Variants in TOX2 observed in about 807,000 individuals in gnomAD.
TOX2 encodes the protein TOX high mobility group box family member 2, also known as granulosa cell HMG box 1.
TOX2 carries 15 observed loss-of-function variants against 47.4 expected under a neutral mutation model. The observed-to-expected ratio is 0.32, with a 90% CI of 0.21 to 0.49. The LOEUF is 0.49. Among genes scored for constraint, TOX2 ranks in the 20% least tolerant of loss-of-function variants. The pLI is 0.99. For synonymous variants in TOX2, 290 were observed against 296.6 expected (o/e 0.98, Z 0.23); for missense variants, 622 against 673.1 (o/e 0.92, Z 0.84).
At chr20:44,016,709 C>T (rs1340549401) in intron 3 of TOX2, among the ~76,000 whole-genome samples, 1 of 152,176 alleles carries the variant, frequency 6.6e-6, no homozygotes, top group African/African-American at 2.4e-5. Context: ...GTTCGCTCTG[C>T]TGAGAAGGCT....
At chr20:44,041,010 G>C (rs2071323430) in intron 3 of TOX2, among the ~76,000 whole-genome samples, 1 of 152,170 alleles carries the variant, frequency 6.6e-6, no homozygotes, top group African/African-American at 2.4e-5. Flanking sequence ...CCTGAGATGG[G>C]GTTCTTGTGA....
intron 2 of TOX2, among the ~76,000 whole-genome samples, chr20:43,986,501 C>G (rs1190275024): frequency 6.6e-6 from 1 of 152,012 alleles, no homozygotes; most frequent in Non-Finnish European, 1.5e-5. Context: ...AGGCTGGTCT[C>G]GAACTCCTGA....
intron 1 of TOX2, among the ~76,000 whole-genome samples, chr20:43,918,000 C>G (rs2069076428): frequency 1.3e-5 from 2 of 152,152 alleles, no homozygotes; most frequent in Non-Finnish European, 2.9e-5. Flanking sequence ...GTGTAACTCA[C>G]AGATTACACA....
At chr20:44,036,502 A>G (rs2071243487) in intron 3 of TOX2, among the ~76,000 whole-genome samples, 1 of 152,248 alleles carries the variant, frequency 6.6e-6, no homozygotes, top group Non-Finnish European at 1.5e-5. Flanking sequence ...TGCCTGAGTA[A>G]GAAGTAACTG....
chr20:43,965,246 G>T (rs567666845), intron 1 of TOX2, among the ~76,000 whole-genome samples: 1 of 152,296 alleles, frequency 6.6e-6, no homozygotes, highest in South Asian at 2.1e-4. Context: ...ACTTTCAGAG[G>T]TGGGGCTGTA....
intron 5 of TOX2, among the ~76,000 whole-genome samples, chr20:44,062,599 C>T (rs927127301): frequency 5.3e-5 from 8 of 151,934 alleles, no homozygotes; most frequent in Non-Finnish European, 1.2e-4. Context: ...AAATGCAATT[C>T]CCATCAAAAC....
intron 3 of TOX2, among the ~76,000 whole-genome samples, chr20:44,044,131 CA>C (rs375912475): frequency 0.66 from 99,209 of 151,366 alleles, 33,022 homozygotes; most frequent in East Asian, 0.79. Context: ...TTTGTAGGGA[CA>C]TGGATGAAGC....
At chr20:43,971,655 T>C (rs973906290) in intron 1 of TOX2, among the ~76,000 whole-genome samples, 2 of 152,216 alleles carry the variant, frequency 1.3e-5, no homozygotes, top group Admixed American at 6.5e-5. Flanking sequence ...AAAATATTTA[T>C]GGGAGCAATA....
chr20:44,048,928 G>C (rs1388301019), intron 3 of TOX2, among the ~76,000 whole-genome samples: 1 of 152,228 alleles, frequency 6.6e-6, no homozygotes, highest in Admixed American at 6.5e-5. Context: ...CTTGAGGTCA[G>C]GAGTTTGAGA....
chr20:43,963,518 A>C (rs1358609765), intron 1 of TOX2, among the ~76,000 whole-genome samples: 2 of 152,188 alleles, frequency 1.3e-5, no homozygotes, highest in Non-Finnish European at 2.9e-5. Context: ...ATGTACTCTT[A>C]GGAGTCAGCA....
chr20:43,978,945 T>C (rs1471262391), intron 2 of TOX2, among the ~76,000 whole-genome samples: 2 of 151,996 alleles, frequency 1.3e-5, no homozygotes, highest in East Asian at 1.9e-4. Flanking sequence ...GCAGAGGGGA[T>C]GGAAAGAAGT....
At chr20:43,940,377 A>T (rs2145346511) in intron 1 of TOX2, among the ~76,000 whole-genome samples, 1 of 151,134 alleles carries the variant, frequency 6.6e-6, no homozygotes, top group Non-Finnish European at 1.5e-5. Flanking sequence ...CACCATGCAC[A>T]GCTAGCTTTT....
rs753935187 is a variant in TOX2 at position 44,051,534 on chromosome 20, G to A, written c.640G>A (p.Val214Met). 3.1e-6 allele frequency: 5 copies of A among 1,596,024 alleles called. No individual in the cohort carries two copies. In the South Asian group the frequency reaches 3.4e-5, roughly 11 times the overall value. The stretch of plus-strand genomic sequence containing the variant: ...CTCCACTCAGGAAGAGGAGTCGGAA[G>A]TGCATTTCAAGGTATGTGCGGTGGA... ...SSSTQEEESE[V>M]HFKISGEKRP... is the part of the protein sequence containing the mutation. The change falls in exon 4 of 9, where the codon GTG becomes ATG. Residue 214 changes from valine to methionine, a missense_variant. Around this residue, in one of 3 missense-constraint regions of TOX2, gnomAD observed 307 missense variants for 327.3 expected, o/e 0.94. Coordinates refer to ENST00000341197, the MANE Select transcript of TOX2 (RefSeq NM_001098797.2).
chr20:43,955,240 C>T (rs1351222725), intron 1 of TOX2: 33 of 985,436 alleles, frequency 3.3e-5, no homozygotes, highest in Middle Eastern at 1.0e-3. Context: ...TGAAACTGCA[C>T]GAGTTCTGGC....
At chr20:44,059,727 C>G (rs2071683133) in intron 5 of TOX2, among the ~76,000 whole-genome samples, 1 of 152,120 alleles carries the variant, frequency 6.6e-6, no homozygotes, top group South Asian at 2.1e-4. Flanking sequence ...CACTGCCAAG[C>G]CAGCACTGCA....
chr20:43,939,426 C>G (rs114759623), intron 1 of TOX2, among the ~76,000 whole-genome samples: 2,112 of 152,296 alleles, frequency 0.014, 53 homozygotes, highest in African/African-American at 0.048. Flanking sequence ...CTGAAGTTAG[C>G]ACAAAGTCAG....
intron 1 of TOX2, among the ~76,000 whole-genome samples, chr20:43,950,738 C>A (rs2069547744): frequency 6.6e-6 from 1 of 152,066 alleles, no homozygotes; most frequent in African/African-American, 2.4e-5. Flanking sequence ...ATACCCCTCA[C>A]CTGCTCAACT....
intron 3 of TOX2, among the ~76,000 whole-genome samples, chr20:44,014,676 C>A (rs1407606338): frequency 1.3e-5 from 2 of 152,178 alleles, no homozygotes; most frequent in African/African-American, 4.8e-5. Flanking sequence ...TATAAAGAGT[C>A]AGCGATCCGA....
At chr20:44,022,052 C>T (rs1045064087) in intron 3 of TOX2, among the ~76,000 whole-genome samples, 6 of 152,212 alleles carry the variant, frequency 3.9e-5, no homozygotes, top group Non-Finnish European at 7.3e-5. Flanking sequence ...GCGGAAGGCC[C>T]GTCACCCACA....
Sources: gnomAD v4.1 joint callset for allele counts (sites outside exome capture counted in the v4.1 genomes callset) on GRCh38, gnomAD v4.1.1 for gene constraint, gnomAD v4.1.1 regional missense constraint, MANE v1.5 for transcripts, NCBI Gene and HGNC (gene_info 2026-07-23, HGNC 2026-07-21) for gene names.